Variants in PHF3 observed in about 807,000 individuals in gnomAD.
PHF3 encodes the protein PHD finger protein 3.
A neutral mutation model predicts 178.4 loss-of-function variants in PHF3; 41 were observed. The observed-to-expected ratio is 0.23, with a 90% CI of 0.18 to 0.30. The LOEUF (loss-of-function observed/expected upper bound fraction) is 0.30, where lower values mean the gene tolerates loss of function less well. Among genes scored for constraint, PHF3 ranks in the 10% least tolerant of loss-of-function variants. The pLI is 1.00. For synonymous variants in PHF3, 842 were observed against 800.5 expected, an observed-to-expected ratio of 1.05 and a Z score of -0.88; for missense variants, 2,346 against 2,398.1, an observed-to-expected ratio of 0.98 and a Z score of 0.45.
chr6:63,645,846 TG>T (rs2149538880), intron 1 of PHF3, among the ~76,000 whole-genome samples: 1 of 152,276 alleles, frequency 6.6e-6, no homozygotes, highest in East Asian at 1.9e-4. Flanking sequence ...ATTGTCTTTG[TG>T]TCATTTATCT....
At chr6:63,670,483 T>C (rs1044466655) in intron 2 of PHF3, among the ~76,000 whole-genome samples, 4 of 152,164 alleles carry the variant, frequency 2.6e-5, no homozygotes, top group Admixed American at 2.0e-4. Context: ...TTAGCCAGGA[T>C]GGTCTCGTTA....
At chr6:63,649,293 T>C (rs1032292699) in intron 2 of PHF3, among the ~76,000 whole-genome samples, 1 of 152,118 alleles carries the variant, frequency 6.6e-6, no homozygotes, top group African/African-American at 2.4e-5. Flanking sequence ...GGACAGGAAC[T>C]TTCAGCTATT....
At position 63,724,053 on chromosome 6, in the gene PHF3, C is replaced by T. The variant is rs1768519608; in HGVS notation, c.*10345C>T. Reference sequence around the variant, plus strand: ...ACCTCCTGACTTCAGGTGATCCGCCCACCTCGGCCTCCCAAAGTGGTGGGA... The same window carrying T: ...ACCTCCTGACTTCAGGTGATCCGCCTACCTCGGCCTCCCAAAGTGGTGGGA... On this transcript the variant is annotated 3_prime_UTR_variant, in exon 16 of 16. Transcript: ENST00000262043. 2.0e-5 allele frequency among the ~76,000 whole-genome samples: 3 copies of T among 152,078 alleles called. No homozygotes were observed. Among genetic ancestry groups the T allele is most frequent in the South Asian group, 2.1e-4 (1 of 4,824 alleles).
At position 63,684,634 on chromosome 6, in the gene PHF3, G is replaced by T; in HGVS notation, c.912G>T (p.Thr304=). ...HEQNDSISGK[T]GETVVEEMIA... is the part of the protein sequence containing the mutation. ...AAAATGATTCCATTTCAGGTAAAAC[G>T]GGTGAGACTGTTGTTGAAGAAATGA... Residue 304 remains threonine, a synonymous_variant, in exon 4 of 16, where the codon ACG becomes ACT. Transcript: ENST00000262043. The T allele has an allele frequency of 6.2e-7, 1 of 1,613,834 alleles. No homozygotes were observed. The highest frequency in any genetic ancestry group is 8.5e-7 in the Non-Finnish European group (1 of 1,179,886).
At chr6:63,688,886 A>G (rs1000298955) in intron 4 of PHF3, among the ~76,000 whole-genome samples, 1 of 152,232 alleles carries the variant, frequency 6.6e-6, no homozygotes, top group East Asian at 1.9e-4. Context: ...CACATTTTCT[A>G]GCATTTGCAA....
Position 63,720,899 on chromosome 6 carries a change from C to A in PHF3, c.*7191C>A. ...GATTTTGAATTACAACTACATGGTG[C>A]CATTTATTACAACAGAATGTGCCAT... On this transcript the variant is annotated 3_prime_UTR_variant, in exon 16 of 16. Coordinates refer to ENST00000262043, the MANE Select transcript of PHF3 (RefSeq NM_001370348.2). 1 of 1,550,804 alleles carries A rather than the reference C, an allele frequency of 6.4e-7. No individual in the cohort carries two copies. Among genetic ancestry groups the A allele is most frequent in the Non-Finnish European group, 8.7e-7 (1 of 1,146,372 alleles).
rs200059706 is a variant in PHF3 at position 63,685,526 on chromosome 6, G to T, written c.1804G>T (p.Ala602Ser). 1.9e-6 allele frequency: 3 copies of T among 1,613,958 alleles called. No individual in the cohort carries two copies. Among genetic ancestry groups the T allele is most frequent in the East Asian group, 4.5e-5 (2 of 44,882 alleles). ...TCATTCTTTGAGTGATAAGTCACAC[G>T]CTCATCCTGGTTGCTTGAAAGAACC... is the stretch of plus-strand genomic sequence containing the variant. ...LTHSLSDKSH[A>S]HPGCLKEPHH... Residue 602 changes from alanine to serine, a missense_variant, in exon 4 of 16, where the codon GCT becomes TCT. By Grantham distance (99) the Ala-to-Ser change is moderately conservative. This residue lies in a region of PHF3 where 843 missense variants were observed against 795.2 expected (regional missense o/e 1.06). Coordinates refer to ENST00000262043, the MANE Select transcript of PHF3 (RefSeq NM_001370348.2).
At chr6:63,677,326 C>T (rs1766212192) in intron 2 of PHF3, among the ~76,000 whole-genome samples, 1 of 151,808 alleles carries the variant, frequency 6.6e-6, no homozygotes, top group Non-Finnish European at 1.5e-5. Flanking sequence ...ACTGTTGTAT[C>T]CTTCAGTATG....
chr6:63,688,642 G>A (rs1368427504), intron 4 of PHF3, among the ~76,000 whole-genome samples: 1 of 151,916 alleles, frequency 6.6e-6, no homozygotes, highest in Non-Finnish European at 1.5e-5. Context: ...GCTGATTGTT[G>A]TTTTTACATA....
chr6:63,689,654 C>G (rs1322623543), intron 4 of PHF3, among the ~76,000 whole-genome samples: 1 of 152,104 alleles, frequency 6.6e-6, no homozygotes, highest in Admixed American at 6.5e-5. Context: ...TTTATAGCCT[C>G]TCAAGTTTGA....
chr6:63,645,261 G>C (rs1428494427), intron 1 of PHF3, among the ~76,000 whole-genome samples: 1 of 152,096 alleles, frequency 6.6e-6, no homozygotes, highest in Non-Finnish European at 1.5e-5. Flanking sequence ...TTACTAATGG[G>C]TATGGGCTGT....
chr6:63,674,586 C>T (rs1349499004), intron 2 of PHF3, among the ~76,000 whole-genome samples: 3 of 151,836 alleles, frequency 2.0e-5, no homozygotes, highest in Non-Finnish European at 4.4e-5. Context: ...CTCTTACCAA[C>T]GGGTGGTCAA....
chr6:63,680,342 ACAC>A (rs1012194112), intron 3 of PHF3, among the ~76,000 whole-genome samples, 181 bp downstream of exon 3: 1 of 148,486 alleles, frequency 6.7e-6, no homozygotes, highest in Admixed American at 6.7e-5. Flanking sequence ...CCACCACCCC[ACAC>A]TACCCATTTC....
chr6:63,685,686 T>G lies in PHF3; in HGVS notation c.1964T>G (p.Phe655Cys), dbSNP rs1189151920. Residue 655 changes from phenylalanine to cysteine, a missense_variant, in exon 4 of 16, where the codon TTT (phenylalanine) becomes TGT (cysteine). Physicochemically the swap from Phe to Cys is radical, Grantham distance 205 (BLOSUM62 -2). This residue lies in a region of PHF3 where 843 missense variants were observed against 795.2 expected (regional missense o/e 1.06). Coordinates refer to ENST00000262043, the MANE Select transcript of PHF3 (RefSeq NM_001370348.2). ...EELEHPGVEH[F>C]KEEDKLKLKK... ...CTTGAACACCCAGGCGTTGAGCATT[T>G]TAAGGAAGAGGATAAACTGAAACTG... 6 of 1,614,040 alleles carry G rather than the reference T, an allele frequency of 3.7e-6. No individual in the cohort carries two copies. Among genetic ancestry groups the G allele is most frequent in the African/African-American group, 1.3e-5 (1 of 74,994 alleles).
At chr6:63,668,364 C>T (rs749304379) in intron 2 of PHF3, among the ~76,000 whole-genome samples, 28 of 152,052 alleles carry the variant, frequency 1.8e-4, no homozygotes, top group African/African-American at 6.5e-4. Context: ...TTGAGACAGG[C>T]TCTCTATTGC....
chr6:63,705,615 G>C (rs781072479), intron 11 of PHF3, among the ~76,000 whole-genome samples: 2 of 152,198 alleles, frequency 1.3e-5, no homozygotes, highest in South Asian at 4.1e-4. Flanking sequence ...TGGGAAAATT[G>C]TCTTCCATGA....
At chr6:63,655,426 T>C (rs1406012157) in intron 2 of PHF3, among the ~76,000 whole-genome samples, 1 of 152,114 alleles carries the variant, frequency 6.6e-6, no homozygotes, top group Non-Finnish European at 1.5e-5. Flanking sequence ...TTGCTTAGGC[T>C]GGTCTCAAAC....
chr6:63,677,714 G>GA (rs1188843258), intron 2 of PHF3, among the ~76,000 whole-genome samples: 1 of 152,000 alleles, frequency 6.6e-6, no homozygotes, highest in Non-Finnish European at 1.5e-5. Context: ...AAAAGTCAGA[G>GA]AAAGTATAAT....
chr6:63,712,038 G>A lies in PHF3; in HGVS notation c.4450G>A (p.Ala1484Thr), dbSNP rs1767950294. 6.2e-7 allele frequency: 1 copy of A among 1,613,554 alleles called. No individual in the cohort carries two copies. The highest frequency in any genetic ancestry group is 8.5e-7 in the Non-Finnish European group (1 of 1,179,782). ...CACCACTGGTCAAGTATATGACCAG[G>A]CCCAGTCAGTGATGGAACAAAACAC... ...LGTTGQVYDQ[A>T]QSVMEQNTVK... The change falls in exon 16 of 16, where the codon GCC becomes ACC. Residue 1484 changes from alanine to threonine, a missense_variant. Ala to Thr is a moderately conservative substitution (Grantham distance 58, BLOSUM62 0). Coordinates refer to ENST00000262043, the MANE Select transcript of PHF3 (RefSeq NM_001370348.2).
Sources: gnomAD v4.1 joint callset for allele counts (sites outside exome capture counted in the v4.1 genomes callset) on GRCh38, gnomAD v4.1.1 for gene constraint, gnomAD v4.1.1 regional missense constraint, MANE v1.5 for transcripts, NCBI Gene and HGNC (gene_info 2026-07-23, HGNC 2026-07-21) for gene names.